The following CCDC30 variants were observed in gnomAD, a reference collection of about 807,000 sequenced individuals.
The protein encoded by CCDC30 is coiled-coil domain containing 30, also known as coiled-coil domain-containing protein 30.
In CCDC30, 70 loss-of-function variants were observed where a neutral mutation model predicts 100.2. The ratio of observed to expected loss-of-function variants is 0.70; its 90% CI spans 0.58 to 0.85. The LOEUF (loss-of-function observed/expected upper bound fraction) is 0.85, where lower values mean the gene tolerates loss of function less well. Among genes scored for constraint, CCDC30 ranks in the 40% least tolerant of loss-of-function variants. The probability of loss-of-function intolerance (pLI) is 0.00; values close to 1 mark genes in which losing one functional copy is unlikely to be tolerated. For synonymous variants in CCDC30, 233 were observed against 269.5 expected (o/e 0.86, Z 1.33); for missense variants, 652 against 771.2 (o/e 0.85, Z 1.83).
chr1:42,515,262 A>T (rs191369684), intron 6 of CCDC30, among the ~76,000 whole-genome samples: 3 of 152,082 alleles, frequency 2.0e-5, no homozygotes, highest in African/African-American at 4.8e-5. Flanking sequence ...AAGAGTCAAG[A>T]AATGATGCTA....
intron 10 of CCDC30, among the ~76,000 whole-genome samples, chr1:42,602,492 G>C (rs1646423999): frequency 1.3e-5 from 2 of 152,080 alleles, no homozygotes; most frequent in Non-Finnish European, 2.9e-5. Flanking sequence ...ACGAACATTA[G>C]AGCAATCATC....
intron 3 of CCDC30, among the ~76,000 whole-genome samples, chr1:42,483,886 A>G (rs1296398259): frequency 6.6e-6 from 1 of 152,032 alleles, no homozygotes; most frequent in Non-Finnish European, 1.5e-5. Flanking sequence ...TCTTCACTAC[A>G]AGGTTATTGA....
chr1:42,614,557 C>T (rs148242284), intron 11 of CCDC30, among the ~76,000 whole-genome samples: 2,656 of 151,714 alleles, frequency 0.018, 73 homozygotes, highest in African/African-American at 0.061. Flanking sequence ...GAGGCTGAGG[C>T]GGGCAAATTA....
In CCDC30 at chr1:42,535,400, T is replaced by G. The variant is rs114016953; in HGVS notation, c.457-30896T>G. ...GGCTAAGAAAAGTGAGGTAACTAGC[T>G]CGGGATGCCATTGTTGGAAACCAGT... On this transcript the variant is annotated intron_variant, in intron 6 of 16. Coordinates refer to ENST00000668663, the Ensembl canonical transcript of CCDC30. 3.9e-3 allele frequency among the ~76,000 whole-genome samples: 585 copies of G among 151,782 alleles called. 1 individual carries two copies. Among genetic ancestry groups the G allele is most frequent in the African/African-American group, 0.013 (519 of 41,342 alleles).
chr1:42,462,869 T>A (rs1456019749), upstream of CCDC30, among the ~76,000 whole-genome samples: 3 of 152,212 alleles, frequency 2.0e-5, no homozygotes, highest in African/African-American at 7.2e-5. Flanking sequence ...TTATCTTACG[T>A]GCCCCACGTG....
intron 3 of CCDC30, chr1:42,483,053 C>T (rs1281165612): frequency 1.9e-5 from 6 of 314,684 alleles, no homozygotes; most frequent in Non-Finnish European, 3.5e-5. Flanking sequence ...AAATTCCCAG[C>T]CTCTCAGAAG....
At chr1:42,558,634 G>A (rs1039725071) in intron 6 of CCDC30, among the ~76,000 whole-genome samples, 2 of 152,066 alleles carry the variant, frequency 1.3e-5, no homozygotes, top group African/African-American at 2.4e-5. Context: ...AAACACAGGC[G>A]TGTCTAATTC....
In CCDC30 at chr1:42,540,659, A is replaced by G. The variant is rs1037698833; in HGVS notation, c.457-25637A>G. ...TGTCTCTCTTTCCCTCTACACACAC[A>G]CACACACACATACACATACACACAC... On this transcript the variant is annotated intron_variant, in intron 6 of 16. Coordinates refer to ENST00000668663, the Ensembl canonical transcript of CCDC30. 6.7e-5 allele frequency among the ~76,000 whole-genome samples: 9 copies of G among 133,906 alleles called. No individual in the cohort carries two copies. In the East Asian group the frequency reaches 2.4e-3, roughly 35 times the overall value. The allele number at this position is 133,906 out of a possible 152,430, so 87.8% of individuals were successfully genotyped here.
At chr1:42,578,941 A>G (rs1182445474) in intron 8 of CCDC30, among the ~76,000 whole-genome samples, 1 of 152,172 alleles carries the variant, frequency 6.6e-6, no homozygotes, top group Non-Finnish European at 1.5e-5. Flanking sequence ...TACTCTGCCT[A>G]TGGGGTAGCC....
In CCDC30 at chr1:42,483,230, T is replaced by C. The variant is rs905651324; in HGVS notation, c.169+414T>C. ...TCATTCATTTTGTTACACGTAGCAG[T>C]TGTTTGTTCACTCTGCTGTTTATAG... On this transcript the variant is annotated intron_variant, in intron 3 of 16. Transcript: ENST00000668663. Among the ~76,000 whole-genome samples the C allele has an allele frequency of 2.0e-5, 3 of 152,218 alleles. No individual in the cohort carries two copies. In the East Asian group the frequency reaches 5.8e-4, roughly 29 times the overall value.
chr1:42,615,592 C>T (rs568726833), intron 11 of CCDC30, among the ~76,000 whole-genome samples: 57 of 152,086 alleles, frequency 3.7e-4, no homozygotes, highest in African/African-American at 1.3e-3. Context: ...TGTGAGCCAC[C>T]GCGCCCGGCC....
At chr1:42,564,541 C>T (rs976748106) in intron 6 of CCDC30, among the ~76,000 whole-genome samples, 1 of 152,200 alleles carries the variant, frequency 6.6e-6, no homozygotes, top group Non-Finnish European at 1.5e-5. Flanking sequence ...GCTAGCATTA[C>T]AGGCGTGAGC....
chr1:42,499,679 T>C (rs1644279032), intron 6 of CCDC30, among the ~76,000 whole-genome samples: 1 of 152,070 alleles, frequency 6.6e-6, no homozygotes, highest in African/African-American at 2.4e-5. Context: ...GAGGTCTCAC[T>C]ATGTTGTCCA....
intron 2 of CCDC30, among the ~76,000 whole-genome samples, chr1:42,480,999 T>C (rs113917063): frequency 0.012 from 1,839 of 151,850 alleles, 31 homozygotes; most frequent in African/African-American, 0.041. Flanking sequence ...TAGTTCCAGT[T>C]ACAGGGGAGG....
chr1:42,505,425 TTAAAAA>T (rs774176525), intron 6 of CCDC30, among the ~76,000 whole-genome samples: 5 of 152,170 alleles, frequency 3.3e-5, no homozygotes, highest in Admixed American at 1.3e-4. Flanking sequence ...GAAAAAAAAC[TTAAAAA>T]TAACCAATGA....
At chr1:42,483,908 C>G (rs1327654138) in intron 3 of CCDC30, among the ~76,000 whole-genome samples, 1 of 151,648 alleles carries the variant, frequency 6.6e-6, no homozygotes, top group Non-Finnish European at 1.5e-5. Flanking sequence ...AATATTTACC[C>G]CTGGTTTTGG....
At chr1:42,652,209 C>T (rs1192949130) in intron 15 of CCDC30, among the ~76,000 whole-genome samples, 2 of 152,064 alleles carry the variant, frequency 1.3e-5, no homozygotes, top group African/African-American at 4.8e-5. Flanking sequence ...GTGAAAAAAG[C>T]CTGGCACAGA....
At chr1:42,598,985 T>C (rs937768495) in intron 10 of CCDC30, among the ~76,000 whole-genome samples, 5 of 152,154 alleles carry the variant, frequency 3.3e-5, no homozygotes, top group African/African-American at 1.2e-4. Context: ...GCAAGAAATG[T>C]TAAAAGAAGT....
intron 12 of CCDC30, among the ~76,000 whole-genome samples, chr1:42,642,026 C>T (rs201594744): frequency 6.6e-6 from 1 of 152,136 alleles, no homozygotes; most frequent in South Asian, 2.1e-4. Context: ...GAGATCGAGA[C>T]CATCCTGGCT....
Sources: allele counts gnomAD v4.1 joint callset (sites outside exome capture counted in the v4.1 genomes callset), GRCh38; gene constraint gnomAD v4.1.1; transcripts MANE v1.5; gene names NCBI Gene and HGNC (gene_info 2026-07-23, HGNC 2026-07-21).